The following PTPRD variants were observed in gnomAD, a reference collection of about 807,000 sequenced individuals.
The protein encoded by PTPRD is receptor-type tyrosine-protein phosphatase delta.
A neutral mutation model predicts 214.5 loss-of-function variants in PTPRD; 34 were observed. The observed-to-expected ratio is 0.16, with a 90% CI of 0.12 to 0.21. PTPRD has a LOEUF of 0.21. Ranked by LOEUF, PTPRD falls within the 10% of genes least tolerant of loss-of-function variation. The pLI is 1.00. For missense variants in PTPRD, 2,545 were observed against 2,398.7 expected, an observed-to-expected ratio of 1.06 and a Z score of -1.27; for synonymous variants, 1,128 against 845.7, an observed-to-expected ratio of 1.33 and a Z score of -5.79.
In PTPRD at chr9:9,257,387, G is replaced by C. The variant is rs192011748; in HGVS notation, c.-202-74024C>G. 2.0e-5 allele frequency among the ~76,000 whole-genome samples: 3 copies of C among 152,024 alleles called. No individual in the cohort carries two copies. The East Asian group carries it at 5.9e-4, about 30-fold the overall frequency. Reference sequence around the variant, plus strand: ...ACACAATTTGAGGATGGAAGAGTTGGCTTCCATGTCCCAACCCCAAGCTCT... The same window carrying C: ...ACACAATTTGAGGATGGAAGAGTTGCCTTCCATGTCCCAACCCCAAGCTCT... On this transcript the variant is annotated intron_variant, in intron 9 of 45. Transcript: ENST00000381196.
chr9:10,200,281 G>A (rs1021183983), intron 3 of PTPRD, among the ~76,000 whole-genome samples: 1 of 151,978 alleles, frequency 6.6e-6, no homozygotes, highest in African/African-American at 2.4e-5. Flanking sequence ...AAGCTGACTG[G>A]TATAACATAT....
chr9:9,891,245 G>A (rs767404439), intron 5 of PTPRD, among the ~76,000 whole-genome samples: 1 of 152,098 alleles, frequency 6.6e-6, no homozygotes, highest in East Asian at 1.9e-4. Flanking sequence ...TGGGGATGGG[G>A]ATGAGATGGA....
rs2098805728 is a variant in PTPRD, at chr9:9,777,273, T to A, written c.-367-10422A>T. On this transcript the variant is annotated intron_variant, in intron 5 of 45. Transcript: ENST00000381196. ...AGAAAAATCTTTCATAAATATCTGG[T>A]ACCACTTTCCTCTGAAGCATCCCCA... 2.0e-5 allele frequency among the ~76,000 whole-genome samples: 3 copies of A among 151,948 alleles called. No homozygotes were observed. The South Asian group carries it at 6.2e-4, about 32-fold the overall frequency.
chr9:9,290,215 T>C (rs1479543434), intron 9 of PTPRD, among the ~76,000 whole-genome samples: 1 of 151,782 alleles, frequency 6.6e-6, no homozygotes, highest in Non-Finnish European at 1.5e-5. Flanking sequence ...ATTAGTTATG[T>C]TGAACAGCTT....
chr9:10,601,130 AAAT>A (rs1000648295), intron 2 of PTPRD, among the ~76,000 whole-genome samples: 4 of 151,754 alleles, frequency 2.6e-5, no homozygotes, highest in Non-Finnish European at 2.9e-5. Flanking sequence ...ATTAAATTAA[AAAT>A]AATAATATTT....
intron 11 of PTPRD, among the ~76,000 whole-genome samples, chr9:8,918,348 C>T (rs1190514318): frequency 2.0e-5 from 3 of 152,150 alleles, no homozygotes; most frequent in Non-Finnish European, 2.9e-5. Flanking sequence ...ACTGGAAGTA[C>T]ACAATGAATT....
intron 8 of PTPRD, among the ~76,000 whole-genome samples, chr9:9,522,005 A>G (rs1271975371): frequency 6.6e-6 from 1 of 152,026 alleles, no homozygotes; most frequent in Non-Finnish European, 1.5e-5. Flanking sequence ...TAAAAATACA[A>G]AATTAGCCTG....
At position 8,648,145 on chromosome 9, in the gene PTPRD, G is replaced by C. The variant is rs1207244302; in HGVS notation, c.65-11301C>G. Among the ~76,000 whole-genome samples, 3 of 152,316 alleles carry C rather than the reference G, an allele frequency of 2.0e-5. No homozygotes were observed. The East Asian group carries it at 5.8e-4, about 29-fold the overall frequency. Reference sequence around the variant, plus strand: ...CAGAGCAGAAAAGTGGAAATGGTATGTTCCAATGTTTGAGGGAAATTTGTC... The same window carrying C: ...CAGAGCAGAAAAGTGGAAATGGTATCTTCCAATGTTTGAGGGAAATTTGTC... On this transcript the variant is annotated intron_variant, in intron 12 of 45. Transcript: ENST00000381196.
intron 36 of PTPRD, among the ~76,000 whole-genome samples, chr9:8,400,944 C>T (rs192145361): frequency 6.6e-6 from 1 of 152,304 alleles, no homozygotes; most frequent in East Asian, 1.9e-4. Flanking sequence ...TCAGAGAAGT[C>T]AAGGTCACCT....
chr9:9,472,910 G>C, intron 8 of PTPRD, among the ~76,000 whole-genome samples: 1 of 152,126 alleles, frequency 6.6e-6, no homozygotes, highest in East Asian at 1.9e-4. Flanking sequence ...TATACAAGGT[G>C]TAATAATCAA....
At chr9:8,760,967 T>C (rs2094377787) in intron 11 of PTPRD, among the ~76,000 whole-genome samples, 1 of 152,218 alleles carries the variant, frequency 6.6e-6, no homozygotes. Flanking sequence ...AAATATATGA[T>C]TTCATGAATG....
intron 9 of PTPRD, among the ~76,000 whole-genome samples, chr9:9,357,877 T>A (rs10125869): frequency 1.3e-5 from 2 of 150,776 alleles, no homozygotes; most frequent in African/African-American, 4.9e-5. Flanking sequence ...CCAGGTAACA[T>A]CTTTACCTAC....
At chr9:9,755,017 T>C (rs1405279995) in intron 6 of PTPRD, among the ~76,000 whole-genome samples, 2 of 152,050 alleles carry the variant, frequency 1.3e-5, no homozygotes, top group African/African-American at 2.4e-5. Context: ...TGATGTAACC[T>C]GGAATATTGT....
intron 14 of PTPRD, among the ~76,000 whole-genome samples, chr9:8,551,810 C>G (rs559472726): frequency 6.6e-6 from 1 of 152,168 alleles, no homozygotes; most frequent in East Asian, 1.9e-4. Flanking sequence ...CTAGAATAAA[C>G]CTGCACAGAC....
intron 3 of PTPRD, among the ~76,000 whole-genome samples, chr9:10,067,420 T>A (rs2097906248): frequency 6.6e-6 from 1 of 152,044 alleles, no homozygotes; most frequent in Non-Finnish European, 1.5e-5. Flanking sequence ...GTTTTTCCAA[T>A]GTTATACATC....
chr9:8,823,037 A>G (rs1258770696), intron 11 of PTPRD, among the ~76,000 whole-genome samples: 1 of 152,106 alleles, frequency 6.6e-6, no homozygotes, highest in East Asian at 1.9e-4. Flanking sequence ...AGTACAGAGG[A>G]TCTAGTAAGA....
chr9:9,140,589 A>T (rs1440101620), intron 10 of PTPRD, among the ~76,000 whole-genome samples: 1 of 151,830 alleles, frequency 6.6e-6, no homozygotes, highest in South Asian at 2.1e-4. Flanking sequence ...ATCTTTTTTT[A>T]TTTTTTTGAG....
At chr9:9,966,585 A>T (rs568204356) in intron 4 of PTPRD, among the ~76,000 whole-genome samples, 1 of 152,178 alleles carries the variant, frequency 6.6e-6, no homozygotes, top group Non-Finnish European at 1.5e-5. Context: ...TGCCCTGCTT[A>T]TTATCTGAAT....
At chr9:8,375,225 G>A (rs1480159108) in intron 39 of PTPRD, among the ~76,000 whole-genome samples, 1 of 151,762 alleles carries the variant, frequency 6.6e-6, no homozygotes, top group African/African-American at 2.4e-5. Context: ...TCAAACAACT[G>A]GAAGAAATCA....
Sources: allele counts gnomAD v4.1 joint callset (sites outside exome capture counted in the v4.1 genomes callset), GRCh38; gene constraint gnomAD v4.1.1; transcripts MANE v1.5; gene names NCBI Gene and HGNC (gene_info 2026-07-23, HGNC 2026-07-21).